MALRD1: variants seen among roughly 807,000 people sequenced by gnomAD.
MALRD1 encodes MAM and LDL receptor class A domain containing 1.
MALRD1 carries 247 observed loss-of-function variants against 242.1 expected under a neutral mutation model. The ratio of observed to expected loss-of-function variants is 1.02; its 90% CI spans 0.92 to 1.13. The LOEUF (loss-of-function observed/expected upper bound fraction) is 1.13. Ranked by LOEUF, MALRD1 falls within the 50% of genes most tolerant of loss-of-function variation. The probability of loss-of-function intolerance (pLI) is 0.00; values close to 1 mark genes in which losing one functional copy is unlikely to be tolerated. For synonymous variants in MALRD1, 995 were observed against 866.6 expected, an observed-to-expected ratio of 1.15 and a Z score of -2.60; for missense variants, 2,989 against 2,533.1, an observed-to-expected ratio of 1.18 and a Z score of -3.86.
chr10:19,225,463 G>T (rs1002994167), intron 18 of MALRD1, among the ~76,000 whole-genome samples: 1 of 151,954 alleles, frequency 6.6e-6, no homozygotes, highest in South Asian at 2.1e-4. Flanking sequence ...TTAAATCAAC[G>T]TTTCTATTCA....
At chr10:19,317,558 G>T (rs1842758703) in intron 21 of MALRD1, among the ~76,000 whole-genome samples, 1 of 152,012 alleles carries the variant, frequency 6.6e-6, no homozygotes. Context: ...GCCTAAGTTA[G>T]CACAGTGAAT....
Position 19,088,581 on chromosome 10 carries a change from AT to A in MALRD1, c.597+399del, listed in dbSNP as rs1236815851. On this transcript the variant is annotated intron_variant, in intron 4 of 39. Transcript: ENST00000454679. ...TTATAAAGTTTTTTTTTATTTATTT[AT>A]TTATTTATTTTTTTTTATTATACTC... 8.3e-3 allele frequency among the ~76,000 whole-genome samples: 432 copies of A among 52,166 alleles called. 10 individuals are homozygous for A. Among genetic ancestry groups the A allele is most frequent in the African/African-American group, 0.025 (407 of 16,484 alleles). The allele number at this position is 52,166 out of a possible 152,430, so 34.2% of individuals were successfully genotyped here. A position where few individuals can be genotyped will look rare whatever the true frequency, so the allele number is the denominator to read the frequency against.
chr10:19,104,137 C>T, intron 5 of MALRD1, 62 bp downstream of exon 5: 1 of 928,006 alleles, frequency 1.1e-6, no homozygotes, highest in Non-Finnish European at 1.4e-6. Flanking sequence ...GCAATTTAAA[C>T]ATTGTGATGA....
At chr10:19,194,480 G>C (rs1433566966) in intron 14 of MALRD1, among the ~76,000 whole-genome samples, 1 of 151,948 alleles carries the variant, frequency 6.6e-6, no homozygotes, top group Non-Finnish European at 1.5e-5. Flanking sequence ...ATTATTCCCA[G>C]TTTCTAAAAT....
chr10:19,568,690 A>AAT (rs77019445), intron 33 of MALRD1, among the ~76,000 whole-genome samples: 40,799 of 151,788 alleles, frequency 0.27, 6,739 homozygotes, highest in Admixed American at 0.41. Context: ...ATAAGAAAAA[A>AAT]ATATATATTC....
At chr10:19,567,420 T>C in intron 32 of MALRD1, 82 bp from the exon 33 acceptor site, 1 of 1,207,310 alleles carries the variant, frequency 8.3e-7, no homozygotes, top group Non-Finnish European at 1.2e-6. Flanking sequence ...AGCCAGAGAT[T>C]TCATTCTTTC....
chr10:19,604,544 A>G (rs1402748917), intron 34 of MALRD1, among the ~76,000 whole-genome samples: 2 of 152,190 alleles, frequency 1.3e-5, no homozygotes, highest in Admixed American at 1.3e-4. Flanking sequence ...ACATGAAAGT[A>G]CAGGATGAAT....
chr10:19,270,838 AC>A (rs1840198743), intron 19 of MALRD1, among the ~76,000 whole-genome samples: 1 of 151,502 alleles, frequency 6.6e-6, no homozygotes, highest in Non-Finnish European at 1.5e-5. Context: ...ACACACACAC[AC>A]ACACGCACAC....
At chr10:19,313,188 C>A (rs2131996398) in intron 21 of MALRD1, among the ~76,000 whole-genome samples, 1 of 151,520 alleles carries the variant, frequency 6.6e-6, no homozygotes, top group South Asian at 2.1e-4. Flanking sequence ...ACTCACCATG[C>A]AAATTACCAC....
rs529698890 is a variant in MALRD1, at chr10:19,381,070, C to T, written c.4442-6458C>T. Among the ~76,000 whole-genome samples the T allele has an allele frequency of 2.3e-5, 3 of 128,176 alleles. No homozygotes were observed. The Admixed American group carries it at 2.5e-4, about 11-fold the overall frequency. The allele number at this position is 128,176 out of a possible 152,430, so 84.1% of individuals were successfully genotyped here. On this transcript the variant is annotated intron_variant, in intron 26 of 39. Coordinates refer to ENST00000454679, the MANE Select transcript of MALRD1 (RefSeq NM_001142308.3). ...GCTATCCCTCCCCCCTCCCCCCACC[C>T]CACCACAGTCCCCAGAGTGTGATAT...
chr10:19,117,099 A>C (rs1360651611), intron 5 of MALRD1, among the ~76,000 whole-genome samples: 1 of 151,722 alleles, frequency 6.6e-6, no homozygotes, highest in Non-Finnish European at 1.5e-5. Context: ...TGTCTCAAAA[A>C]AAAAAAAAAA....
chr10:19,491,988 G>T (rs990688495), intron 30 of MALRD1, among the ~76,000 whole-genome samples: 2 of 141,830 alleles, frequency 1.4e-5, no homozygotes, highest in African/African-American at 2.6e-5. Flanking sequence ...TTTATTGGTT[G>T]TTTTTTTTTT....
intron 29 of MALRD1, among the ~76,000 whole-genome samples, chr10:19,486,353 A>C (rs1411583540): frequency 6.6e-6 from 1 of 152,138 alleles, no homozygotes; most frequent in Non-Finnish European, 1.5e-5. Flanking sequence ...GTTGTGGTCT[A>C]AGCTCCTTTC....
Position 19,124,622 on chromosome 10 carries a change from C to A in MALRD1, c.895C>A (p.Pro299Thr). ...GATGCGCACAAAAGCGAGAGAGATC[C>A]CTGCATTCGAATCCACACCTCAGCA... ...SWMRTKAREI[P>T]AFESTPQQDQ... Residue 299 changes from proline (P) to threonine (T), a missense_variant, in exon 7 of 40, where the codon CCT (proline) becomes ACT (threonine). Pro to Thr is a conservative substitution (Grantham distance 38, BLOSUM62 -1). Coordinates refer to ENST00000454679, the MANE Select transcript of MALRD1 (RefSeq NM_001142308.3). The A allele has an allele frequency of 5.7e-6, 7 of 1,233,736 alleles. No individual in the cohort carries two copies. The highest frequency in any genetic ancestry group is 7.1e-6 in the Non-Finnish European group (7 of 988,108). 76.4% of individuals were successfully genotyped at this position (1,233,736 alleles called of 1,614,324 possible).
At chr10:19,345,606 A>G (rs1844080866) in intron 24 of MALRD1, among the ~76,000 whole-genome samples, 1 of 152,132 alleles carries the variant, frequency 6.6e-6, no homozygotes, top group Admixed American at 6.6e-5. Flanking sequence ...TGAAAACTGA[A>G]TTAGCAATTC....
intron 26 of MALRD1, among the ~76,000 whole-genome samples, chr10:19,365,240 T>G (rs1425985269): frequency 6.6e-6 from 1 of 152,130 alleles, no homozygotes; most frequent in Admixed American, 6.6e-5. Context: ...TTCTGCCTTC[T>G]CAGATTATTT....
At chr10:19,084,159 C>A (rs182825871) in intron 2 of MALRD1, among the ~76,000 whole-genome samples, 1 of 151,890 alleles carries the variant, frequency 6.6e-6, no homozygotes, top group East Asian at 1.9e-4. Flanking sequence ...CAAATATTAC[C>A]TGGTTCTGTT....
At chr10:19,170,910 C>T (rs1834892958) in intron 13 of MALRD1, among the ~76,000 whole-genome samples, 1 of 152,094 alleles carries the variant, frequency 6.6e-6, no homozygotes, top group Non-Finnish European at 1.5e-5. Flanking sequence ...GGCTGCTGCT[C>T]TTATTATTGA....
chr10:19,609,529 C>G (rs1300606696), intron 35 of MALRD1, among the ~76,000 whole-genome samples: 1 of 151,962 alleles, frequency 6.6e-6, no homozygotes, highest in East Asian at 1.9e-4. Flanking sequence ...AAACCCAATC[C>G]TTACAGCATC....
Sources: gnomAD v4.1 joint callset for allele counts (sites outside exome capture counted in the v4.1 genomes callset) on GRCh38, gnomAD v4.1.1 for gene constraint, MANE v1.5 for transcripts, NCBI Gene and HGNC (gene_info 2026-07-23, HGNC 2026-07-21) for gene names.